The following GEM variants were observed in gnomAD, a reference collection of about 807,000 sequenced individuals.
The protein encoded by GEM is GTP-binding protein GEM.
In GEM, 31 loss-of-function variants were observed where a neutral mutation model predicts 33.0. That is an observed-to-expected ratio of 0.94 (90% CI 0.71 to 1.27). The LOEUF (loss-of-function observed/expected upper bound fraction) is 1.27. Among genes scored for constraint, GEM ranks in the 50% most tolerant of loss-of-function variants. GEM has a pLI of 0.00. For missense variants in GEM, 354 were observed against 390.5 expected, an observed-to-expected ratio of 0.91 and a Z score of 0.79; for synonymous variants, 141 against 143.7, an observed-to-expected ratio of 0.98 and a Z score of 0.13.
chr8:94,260,759 A>C, intron 1 of GEM: 1 of 436,472 alleles, frequency 2.3e-6, no homozygotes. Flanking sequence ...TGGGAAAACA[A>C]ATACGGTTAA....
intron 3 of GEM, 152 bp downstream of exon 3, chr8:94,252,884 C>A (rs58260930): frequency 0.025 from 13,735 of 557,646 alleles, 579 homozygotes; most frequent in African/African-American, 0.13. Context: ...TTCCTTAGAA[C>A]AGTCTCATTC....
At position 94,252,166 on chromosome 8, in the gene GEM, C is replaced by G. The variant is rs773969361; in HGVS notation, c.466G>C (p.Val156Leu). Residue 156 changes from valine (V) to leucine (L), a missense_variant, in exon 4 of 5, where the codon GTC becomes CTC. By Grantham distance (32) the Val-to-Leu change is conservative (BLOSUM62 1). Transcript: ENST00000297596. ...CMQVGDAYLI[V>L]YSITDRASFE... The stretch of plus-strand genomic sequence containing the variant: ...CTCGCTCGGTCTGTGATTGAGTAGA[C>G]AATCAGGTATGCGTCCCCGACCTGC... 6.2e-7 allele frequency: 1 copy of G among 1,613,770 alleles called. No homozygotes were observed.
In GEM at chr8:94,249,699, A is replaced by G; in HGVS notation, c.*611T>C. On this transcript the variant is annotated 3_prime_UTR_variant, in exon 5 of 5. Transcript: ENST00000297596. ...TAATTTTTGAGCCTATAAGGGACAC[A>G]TGTATCAGTTCCCAATTCTATATGT... The G allele has an allele frequency of 6.6e-6, 1 of 152,160 alleles. No homozygotes were observed. The highest frequency in any genetic ancestry group is 2.4e-5 in the African/African-American group (1 of 41,444). 9.4% of individuals were successfully genotyped at this position (152,160 alleles called of 1,614,324 possible). A position where few individuals can be genotyped will look rare whatever the true frequency, so the allele number is the denominator to read the frequency against.
chr8:94,249,939 G>T lies in GEM; in HGVS notation c.*371C>A. ...TCTTATATTTGTTTATGACTCATTG[G>T]CCTCAAAGTCACATATCAGAACACT... On this transcript the variant is annotated 3_prime_UTR_variant, in exon 5 of 5. Coordinates refer to ENST00000297596, the MANE Select transcript of GEM (RefSeq NM_005261.4). 1 of 175,522 alleles carries T rather than the reference G, an allele frequency of 5.7e-6. No homozygotes were observed. Among genetic ancestry groups the T allele is most frequent in the Non-Finnish European group, 1.2e-5 (1 of 84,086 alleles). The allele number at this position is 175,522 out of a possible 1,614,324, so 10.9% of individuals were successfully genotyped here.
chr8:94,253,788 T>A (rs1319968549), intron 2 of GEM, among the ~76,000 whole-genome samples: 1 of 152,130 alleles, frequency 6.6e-6, no homozygotes, highest in Non-Finnish European at 1.5e-5. Context: ...AGATCTTGTG[T>A]AGGTGAAGGG....
intron 1 of GEM, among the ~76,000 whole-genome samples, chr8:94,261,410 G>T (rs1000917685): frequency 6.6e-6 from 1 of 152,182 alleles, no homozygotes; most frequent in African/African-American, 2.4e-5. Flanking sequence ...GCAGTGGCAC[G>T]ATCATAGCTC....
intron 4 of GEM, among the ~76,000 whole-genome samples, chr8:94,251,738 G>C (rs1377237900): frequency 1.3e-5 from 2 of 152,252 alleles, no homozygotes; most frequent in East Asian, 3.9e-4. Flanking sequence ...CTTGCATGAA[G>C]ATGCTACTTT....
chr8:94,255,346 T>C (rs1341914405), intron 2 of GEM, among the ~76,000 whole-genome samples: 1 of 152,158 alleles, frequency 6.6e-6, no homozygotes, highest in African/African-American at 2.4e-5. Flanking sequence ...CCTGACAGGA[T>C]CATTCTGTCT....
intron 2 of GEM, among the ~76,000 whole-genome samples, chr8:94,254,909 G>A (rs1177408504): frequency 6.6e-6 from 1 of 152,208 alleles, no homozygotes; most frequent in Non-Finnish European, 1.5e-5. Context: ...TCGTGTGCCT[G>A]CTCACAATAT....
chr8:94,258,970 G>A (rs562408937), intron 2 of GEM, among the ~76,000 whole-genome samples: 2 of 152,150 alleles, frequency 1.3e-5, no homozygotes, highest in Non-Finnish European at 2.9e-5. Context: ...CTAAATGCTA[G>A]CCCCTTCCTC....
At chr8:94,253,861 C>G (rs920856922) in intron 2 of GEM, among the ~76,000 whole-genome samples, 1 of 152,064 alleles carries the variant, frequency 6.6e-6, no homozygotes, top group African/African-American at 2.4e-5. Flanking sequence ...GGGGGGCAGG[C>G]GTAGAAAAGG....
chr8:94,253,143 C>T (rs1052413708), intron 2 of GEM, 31 bp from the exon 3 acceptor site: 7 of 1,207,212 alleles, frequency 5.8e-6, no homozygotes, highest in Non-Finnish European at 8.6e-6. Flanking sequence ...ATATTGGAGT[C>T]AGGCGAATAT....
At chr8:94,254,405 G>A (rs571314831) in intron 2 of GEM, among the ~76,000 whole-genome samples, 1 of 152,118 alleles carries the variant, frequency 6.6e-6, no homozygotes, top group East Asian at 1.9e-4. Context: ...CATCCCTTAT[G>A]AACTCTGGGG....
At position 94,250,275 on chromosome 8, in the gene GEM, G is replaced by T; in HGVS notation, c.*35C>A. On this transcript the variant is annotated 3_prime_UTR_variant, in exon 5 of 5. Coordinates refer to ENST00000297596, the MANE Select transcript of GEM (RefSeq NM_005261.4). ...ATTGGTCCCAATGGCCTTCAACAACGGCCATCAAAGGGACATCTGGGTGAC... is the reference window on the plus strand; with the variant it reads ...ATTGGTCCCAATGGCCTTCAACAACTGCCATCAAAGGGACATCTGGGTGAC... The T allele has an allele frequency of 6.4e-7, 1 of 1,555,036 alleles. No individual in the cohort carries two copies. Among genetic ancestry groups the T allele is most frequent in the Non-Finnish European group, 8.8e-7 (1 of 1,139,482 alleles).
chr8:94,254,916 A>G (rs181232218), intron 2 of GEM, among the ~76,000 whole-genome samples: 1 of 152,332 alleles, frequency 6.6e-6, no homozygotes, highest in Admixed American at 6.5e-5. Flanking sequence ...CCTGCTCACA[A>G]TATGCAGAAG....
chr8:94,251,468 C>A (rs1008720041), intron 4 of GEM, among the ~76,000 whole-genome samples: 2 of 152,112 alleles, frequency 1.3e-5, no homozygotes, highest in Admixed American at 1.3e-4. Context: ...CTGAATTAGG[C>A]CAGTAAAATC....
chr8:94,260,445 T>C lies in GEM; in HGVS notation c.59A>G (p.Gln20Arg), dbSNP rs1189933908. Residue 20 changes from glutamine (Q) to arginine (R), a missense_variant, in exon 2 of 5, where the codon CAG (glutamine) becomes CGG (arginine). By Grantham distance (43) the Gln-to-Arg change is conservative (BLOSUM62 1). Coordinates refer to ENST00000297596, the MANE Select transcript of GEM (RefSeq NM_005261.4). The stretch of plus-strand genomic sequence containing the variant: ...GCCATCAGCTGGGATGCTCCAGCGC[T>C]GCTGCTGTGGCTGCATGCCCACAGT... ...QGTVGMQPQQ[Q>R]RWSIPADGRH... The C allele has an allele frequency of 1.2e-6, 2 of 1,612,954 alleles. No individual in the cohort carries two copies. Among genetic ancestry groups the C allele is most frequent in the Non-Finnish European group, 1.7e-6 (2 of 1,179,230 alleles).
At chr8:94,250,676 T>A in intron 4 of GEM, 89 bp from the exon 5 acceptor site, 5 of 1,077,552 alleles carry the variant, frequency 4.6e-6, no homozygotes, top group Non-Finnish European at 6.7e-6. Flanking sequence ...GAGGTAACAC[T>A]AAGTCAGCTG....
chr8:94,260,557 T>C, intron 1 of GEM, 45 bp from the exon 2 acceptor site: 1 of 1,106,526 alleles, frequency 9.0e-7, no homozygotes, highest in Non-Finnish European at 1.3e-6. Context: ...TAAGCATGAG[T>C]GAGAGCTCCG....
Sources: gnomAD v4.1 joint callset for allele counts (sites outside exome capture counted in the v4.1 genomes callset) on GRCh38, gnomAD v4.1.1 for gene constraint, MANE v1.5 for transcripts, NCBI Gene and HGNC (gene_info 2026-07-23, HGNC 2026-07-21) for gene names.